The following SAMMSON variants were observed in gnomAD, a reference collection of about 807,000 sequenced individuals.
SAMMSON encodes the protein long intergenic non-protein coding RNA 1212.
rs141398639 is a variant in SAMMSON at position 70,166,339 on chromosome 3, C to T, written n.508-82768C>T. Among the ~76,000 whole-genome samples the T allele has an allele frequency of 5.6e-3, 853 of 152,120 alleles. 4 individuals carry two copies. Among genetic ancestry groups the T allele is most frequent in the African/African-American group, 0.018 (754 of 41,530 alleles). On this transcript the variant is annotated intron_variant and non_coding_transcript_variant, in intron 4 of 9. Coordinates refer to ENST00000642114, the Ensembl canonical transcript of SAMMSON. ...GTGGTAAGTATTGCTATGATGGTGG[C>T]TTGCCTTCTCTAGGTTGAAGAATTG...
chr3:70,113,827 C>T (rs73105960), intron 4 of SAMMSON, among the ~76,000 whole-genome samples: 11,042 of 152,076 alleles, frequency 0.073, 548 homozygotes, highest in Non-Finnish European at 0.11. Flanking sequence ...GGATTCCTGT[C>T]ATTTTGAGAA....
At chr3:70,081,867 A>G (rs2067269249) in intron 4 of SAMMSON, among the ~76,000 whole-genome samples, 1 of 152,232 alleles carries the variant, frequency 6.6e-6, no homozygotes. Flanking sequence ...TGAAAGTGTG[A>G]CACCACAAAT....
chr3:70,007,336 C>T (rs1186984042), intron 1 of SAMMSON, among the ~76,000 whole-genome samples: 1 of 152,168 alleles, frequency 6.6e-6, no homozygotes, highest in Non-Finnish European at 1.5e-5. Context: ...TAATGATCGC[C>T]ATTCTAACTG....
chr3:70,084,568 C>T (rs779659539), intron 4 of SAMMSON, among the ~76,000 whole-genome samples: 2 of 152,126 alleles, frequency 1.3e-5, no homozygotes, highest in African/African-American at 2.4e-5. Flanking sequence ...CCCTTGCCTT[C>T]GTGCCTGTCC....
intron 7 of SAMMSON, among the ~76,000 whole-genome samples, chr3:70,314,632 A>G (rs1702483882): frequency 1.3e-5 from 2 of 152,170 alleles, no homozygotes; most frequent in Non-Finnish European, 2.9e-5. Flanking sequence ...AGAATGAGCC[A>G]GGGACACGGC....
chr3:70,287,866 C>T (rs1702183985), intron 6 of SAMMSON, among the ~76,000 whole-genome samples: 1 of 152,034 alleles, frequency 6.6e-6, no homozygotes, highest in Non-Finnish European at 1.5e-5. Flanking sequence ...GTAGTATTCT[C>T]TGATGGTAGT....
intron 4 of SAMMSON, among the ~76,000 whole-genome samples, chr3:70,169,362 A>G (rs546438270): frequency 6.6e-6 from 1 of 152,166 alleles, no homozygotes; most frequent in African/African-American, 2.4e-5. Flanking sequence ...GTTTTATGCA[A>G]GGAGAATTTG....
chr3:70,323,714 A>G (rs1702555580), intron 7 of SAMMSON, among the ~76,000 whole-genome samples: 1 of 152,176 alleles, frequency 6.6e-6, no homozygotes, highest in Non-Finnish European at 1.5e-5. Context: ...AGATTGGGGC[A>G]GCCCTTTCTG....
intron 4 of SAMMSON, among the ~76,000 whole-genome samples, chr3:70,212,619 C>G (rs549493955): frequency 6.6e-5 from 10 of 152,194 alleles, no homozygotes; most frequent in African/African-American, 2.4e-4. Flanking sequence ...CAGTCATTGG[C>G]TCTGAATACA....
At chr3:70,376,149 C>T (rs1703012686) in intron 9 of SAMMSON, among the ~76,000 whole-genome samples, 1 of 152,066 alleles carries the variant, frequency 6.6e-6, no homozygotes, top group Non-Finnish European at 1.5e-5. Flanking sequence ...TAAGATGAGA[C>T]AATAAGGAAC....
intron 6 of SAMMSON, among the ~76,000 whole-genome samples, chr3:70,271,528 C>A (rs1559550370): frequency 6.6e-6 from 1 of 152,192 alleles, no homozygotes; most frequent in African/African-American, 2.4e-5. Flanking sequence ...ACAAACATCA[C>A]CCTGGCCTTG....
intron 2 of SAMMSON, among the ~76,000 whole-genome samples, chr3:70,426,198 C>G (rs115536616): frequency 4.6e-5 from 7 of 152,160 alleles, no homozygotes; most frequent in African/African-American, 1.7e-4. Context: ...TCTATGTCAT[C>G]CAATAGGCTG....
chr3:70,048,478 A>G (rs2067135032), intron 3 of SAMMSON, among the ~76,000 whole-genome samples: 1 of 152,104 alleles, frequency 6.6e-6, no homozygotes, highest in African/African-American at 2.4e-5. Context: ...TTTAAAAATG[A>G]TCATTATTAG....
intron 4 of SAMMSON, among the ~76,000 whole-genome samples, chr3:70,168,685 A>G (rs995812240): frequency 6.6e-6 from 1 of 151,912 alleles, no homozygotes; most frequent in South Asian, 2.1e-4. Flanking sequence ...TTATGGCCCC[A>G]CTTGTCAACA....
At chr3:70,090,530 C>A (rs1023484846) in intron 4 of SAMMSON, among the ~76,000 whole-genome samples, 2 of 152,138 alleles carry the variant, frequency 1.3e-5, no homozygotes, top group Non-Finnish European at 2.9e-5. Flanking sequence ...TAGGAGGAAA[C>A]CTCAACCCAT....
chr3:70,260,581 TTTTA>T (rs1333731532), intron 6 of SAMMSON, among the ~76,000 whole-genome samples: 2 of 151,968 alleles, frequency 1.3e-5, no homozygotes, highest in African/African-American at 4.8e-5. Flanking sequence ...GGTCTGCATA[TTTTA>T]TTTATTTATT....
rs539307808 is a variant in SAMMSON at position 70,056,573 on chromosome 3, C to G, written n.418-14903C>G. Among the ~76,000 whole-genome samples the G allele has an allele frequency of 6.1e-3, 930 of 152,002 alleles. 6 individuals carry two copies. Among genetic ancestry groups the G allele is most frequent in the African/African-American group, 0.02 (830 of 41,496 alleles). ...TTTCTCTCTCTCTCTCTCTCTCCCC[C>G]TCTCTTCACTAAAGCTTTTCTTGGA... On this transcript the variant is annotated intron_variant and non_coding_transcript_variant, in intron 3 of 9. Transcript: ENST00000642114.
chr3:70,254,956 G>T, intron 6 of SAMMSON, among the ~76,000 whole-genome samples: 1 of 152,238 alleles, frequency 6.6e-6, no homozygotes, highest in South Asian at 2.1e-4. Flanking sequence ...TATTATGAAT[G>T]TGCAATAATG....
chr3:70,343,342 C>A (rs1702726402), intron 7 of SAMMSON, among the ~76,000 whole-genome samples: 1 of 151,864 alleles, frequency 6.6e-6, no homozygotes, highest in Admixed American at 6.6e-5. Context: ...ATATAGGATA[C>A]CTCATTACCT....
Sources: allele counts gnomAD v4.1 joint callset (sites outside exome capture counted in the v4.1 genomes callset), GRCh38; gene constraint gnomAD v4.1.1; transcripts MANE v1.5; gene names NCBI Gene and HGNC (gene_info 2026-07-23, HGNC 2026-07-21).